The following FOXO3 variants were observed in gnomAD, a reference collection of about 807,000 sequenced individuals.
FOXO3 encodes forkhead box protein O3.
FOXO3 carries 4 observed loss-of-function variants against 41.9 expected under a neutral mutation model. That is an observed-to-expected ratio of 0.10 (90% CI 0.05 to 0.22). FOXO3 has a LOEUF of 0.22. Ranked by LOEUF, FOXO3 falls within the 10% of genes least tolerant of loss-of-function variation. FOXO3 has a pLI of 1.00. For missense variants in FOXO3, 534 were observed against 906.8 expected, an observed-to-expected ratio of 0.59 and a Z score of 5.28; for synonymous variants, 318 against 389.3, an observed-to-expected ratio of 0.82 and a Z score of 2.16.
intron 1 of FOXO3, among the ~76,000 whole-genome samples, chr6:108,584,034 G>A (rs146656040): frequency 4.0e-4 from 61 of 152,250 alleles, no homozygotes; most frequent in African/African-American, 1.4e-3. Context: ...ACATGTCCAG[G>A]GCTCATGTGA....
chr6:108,583,282 G>A (rs1776481238), intron 1 of FOXO3, among the ~76,000 whole-genome samples: 1 of 152,212 alleles, frequency 6.6e-6, no homozygotes, highest in Non-Finnish European at 1.5e-5. Context: ...GTAGCTATGG[G>A]AGACAACAGG....
intron 1 of FOXO3, among the ~76,000 whole-genome samples, chr6:108,649,177 A>T (rs1278134597): frequency 1.3e-5 from 2 of 152,150 alleles, no homozygotes; most frequent in East Asian, 3.9e-4. Context: ...CCCGAATCCC[A>T]CAGGGGTGAC....
rs372101925 is a variant in FOXO3, at chr6:108,664,164, G to A, written c.1331G>A (p.Arg444His). Reference sequence around the variant, plus strand: ...GGACCTTCATCTCTGAACTCCCTACGCCAGTCTCCCATGCAGACCATCCAA... The same window carrying A: ...GGACCTTCATCTCTGAACTCCCTACACCAGTCTCCCATGCAGACCATCCAA... ...VFGPSSLNSL[R>H]QSPMQTIQEN... The change falls in exon 2 of 3, where the codon CGC becomes CAC. Residue 444 changes from arginine (R) to histidine (H), a missense_variant. Coordinates refer to ENST00000406360, the MANE Select transcript of FOXO3 (RefSeq NM_001455.4). The A allele has an allele frequency of 3.1e-6, 5 of 1,613,732 alleles. No individual in the cohort carries two copies. Among genetic ancestry groups the A allele is most frequent in the Middle Eastern group, 1.7e-4 (1 of 6,058 alleles).
chr6:108,662,965 A>G (rs982930504), intron 1 of FOXO3, among the ~76,000 whole-genome samples: 2 of 152,190 alleles, frequency 1.3e-5, no homozygotes, highest in African/African-American at 4.8e-5. Context: ...TTCCCCCTAG[A>G]TATGAAAACT....
At chr6:108,582,674 G>A (rs1479905732) in intron 1 of FOXO3, among the ~76,000 whole-genome samples, 1 of 151,916 alleles carries the variant, frequency 6.6e-6, no homozygotes, top group African/African-American at 2.4e-5. Flanking sequence ...CAGTTTTTAG[G>A]GCAGACTTTG....
At chr6:108,634,085 T>A (rs1305547637) in intron 1 of FOXO3, among the ~76,000 whole-genome samples, 1 of 152,154 alleles carries the variant, frequency 6.6e-6, no homozygotes, top group Admixed American at 6.5e-5. Context: ...GTGGTTTCAT[T>A]TATTGGCTAT....
chr6:108,591,508 A>G (rs1009287428), intron 1 of FOXO3, among the ~76,000 whole-genome samples: 2 of 152,228 alleles, frequency 1.3e-5, no homozygotes, highest in Non-Finnish European at 2.9e-5. Context: ...TCATCGGGAA[A>G]AAGCAGAAGG....
intron 2 of FOXO3, among the ~76,000 whole-genome samples, chr6:108,667,034 GAGCTCACTCC>G (rs1779085187): frequency 6.6e-6 from 1 of 152,164 alleles, no homozygotes; most frequent in Non-Finnish European, 1.5e-5. Flanking sequence ...CTCCTATGGT[GAGCTCACTCC>G]AGCTCACGGG....
Position 108,565,756 on chromosome 6 carries a change from A to G in FOXO3, c.621+3927A>G, listed in dbSNP as rs1349495064. Among the ~76,000 whole-genome samples, 6 of 152,238 alleles carry G rather than the reference A, an allele frequency of 3.9e-5. No homozygotes were observed. The East Asian group carries it at 9.6e-4, about 24-fold the overall frequency. On this transcript the variant is annotated intron_variant, in intron 1 of 2. Coordinates refer to ENST00000406360, the MANE Select transcript of FOXO3 (RefSeq NM_001455.4). ...AAAAAGATGAGGGCTGTCCTGTCAC[A>G]TAATGCTTATTTGTGTCCTCACTGT... is the stretch of plus-strand genomic sequence containing the variant.
At position 108,680,687 on chromosome 6, in the gene FOXO3, C is replaced by T. The variant is rs977147347; in HGVS notation, c.*895C>T. 6.6e-6 allele frequency: 1 copy of T among 150,754 alleles called. No homozygotes were observed. The highest frequency in any genetic ancestry group is 2.4e-5 in the African/African-American group (1 of 40,944). 9.3% of individuals were successfully genotyped at this position (150,754 alleles called of 1,614,324 possible). On this transcript the variant is annotated 3_prime_UTR_variant, in exon 3 of 3. Transcript: ENST00000406360. ...ATATTGATATTTTCAGGAAAGAAATCAGCTCAGCTCTCCACTCATTGCCAA... is the reference window on the plus strand; with the variant it reads ...ATATTGATATTTTCAGGAAAGAAATTAGCTCAGCTCTCCACTCATTGCCAA...
At chr6:108,622,074 T>A (rs1258049307) in intron 1 of FOXO3, among the ~76,000 whole-genome samples, 1 of 151,822 alleles carries the variant, frequency 6.6e-6, no homozygotes, top group Non-Finnish European at 1.5e-5. Context: ...CTGGCCAATA[T>A]GATGAAAGCC....
intron 1 of FOXO3, among the ~76,000 whole-genome samples, chr6:108,626,860 C>G (rs533276480): frequency 6.6e-6 from 1 of 152,276 alleles, no homozygotes; most frequent in South Asian, 2.1e-4. Context: ...GGTATGTGAG[C>G]TGAGCCTTGA....
At chr6:108,576,660 G>GGAT (rs1403724434) in intron 1 of FOXO3, among the ~76,000 whole-genome samples, 1 of 152,134 alleles carries the variant, frequency 6.6e-6, no homozygotes, top group Admixed American at 6.5e-5. Context: ...AAATTTAAAT[G>GGAT]GATGAATCTG....
In FOXO3 at chr6:108,681,482, CA is replaced by C. The variant is rs1321748206; in HGVS notation, c.*1691del. The C allele has an allele frequency of 6.6e-6, 1 of 151,510 alleles. No individual in the cohort carries two copies. The highest frequency in any genetic ancestry group is 1.5e-5 in the Non-Finnish European group (1 of 67,804). 9.4% of individuals were successfully genotyped at this position (151,510 alleles called of 1,614,324 possible). A position where few individuals can be genotyped will look rare whatever the true frequency, so the allele number is the denominator to read the frequency against. ...CCAACCCCCTGCACACACCACCGGC[CA>C]CCAGGGGCCCCCTTGTGCGCCTTGG... On this transcript the variant is annotated 3_prime_UTR_variant, in exon 3 of 3. Transcript: ENST00000406360.
intron 1 of FOXO3, among the ~76,000 whole-genome samples, chr6:108,601,413 C>T (rs906851329): frequency 1.3e-5 from 2 of 152,202 alleles, no homozygotes; most frequent in Non-Finnish European, 2.9e-5. Flanking sequence ...AAGTGATTCT[C>T]CTGCCTCACC....
chr6:108,613,630 C>G (rs1346259505), intron 1 of FOXO3, among the ~76,000 whole-genome samples: 1 of 152,062 alleles, frequency 6.6e-6, no homozygotes, highest in Non-Finnish European at 1.5e-5. Flanking sequence ...CCCCTCATTC[C>G]TTATCTGTTT....
At chr6:108,589,845 C>T (rs964489963) in intron 1 of FOXO3, among the ~76,000 whole-genome samples, 8 of 152,216 alleles carry the variant, frequency 5.3e-5, no homozygotes, top group Admixed American at 2.0e-4. Context: ...ACAACTATTT[C>T]CTACTGAATG....
At position 108,569,920 on chromosome 6, in the gene FOXO3, ATTTG is replaced by A. The variant is rs567820843; in HGVS notation, c.621+8096_621+8099del. ...GGCAGTTTTCAGTACGTGTTTAGGAATTTGTTTGAAAACCATTAGGGGGTGGGGT... is the reference window on the plus strand; with the variant it reads ...GGCAGTTTTCAGTACGTGTTTAGGAATTTGAAAACCATTAGGGGGTGGGGT... On this transcript the variant is annotated intron_variant, in intron 1 of 2. Transcript: ENST00000406360. 1.4e-4 allele frequency among the ~76,000 whole-genome samples: 21 copies of A among 145,960 alleles called. No homozygotes were observed. In the South Asian group the frequency reaches 4.3e-3, roughly 30 times the overall value.
chr6:108,591,151 A>G (rs1033031855), intron 1 of FOXO3, among the ~76,000 whole-genome samples: 5 of 152,194 alleles, frequency 3.3e-5, no homozygotes, highest in African/African-American at 1.2e-4. Context: ...GCTGGGACTT[A>G]TCGGGTGACC....
Sources: gnomAD v4.1 joint callset for allele counts (sites outside exome capture counted in the v4.1 genomes callset) on GRCh38, gnomAD v4.1.1 for gene constraint, MANE v1.5 for transcripts, NCBI Gene and HGNC (gene_info 2026-07-23, HGNC 2026-07-21) for gene names.